Variants in EP300 observed in about 807,000 individuals in gnomAD.
EP300 encodes the protein histone acetyltransferase p300.
EP300 carries 31 observed loss-of-function variants against 264.0 expected under a neutral mutation model. That is an observed-to-expected ratio of 0.12 (90% CI 0.09 to 0.16). The LOEUF (loss-of-function observed/expected upper bound fraction) is 0.16, where lower values mean the gene tolerates loss of function less well. Among genes scored for constraint, EP300 ranks in the 10% least tolerant of loss-of-function variants. The pLI is 1.00. For synonymous variants in EP300, 1,340 were observed against 1,045.4 expected (o/e 1.28, Z -5.44); for missense variants, 2,766 against 3,052.9 (o/e 0.91, Z 2.21).
intron 1 of EP300, among the ~76,000 whole-genome samples, chr22:41,112,538 G>T (rs1276405387): frequency 6.6e-6 from 1 of 152,018 alleles, no homozygotes; most frequent in Non-Finnish European, 1.5e-5. Flanking sequence ...TGTTACTATG[G>T]CGAATGACAG....
At chr22:41,137,598 T>C in intron 7 of EP300, 55 bp from the exon 8 acceptor site, 2 of 1,609,960 alleles carry the variant, frequency 1.2e-6, no homozygotes, top group Non-Finnish European at 1.7e-6. Flanking sequence ...TTGAATTAAA[T>C]GAGGTCTTCT....
chr22:41,146,930 C>A, intron 11 of EP300, 114 bp downstream of exon 11: 1 of 912,554 alleles, frequency 1.1e-6, no homozygotes, highest in Non-Finnish European at 1.7e-6. Flanking sequence ...GATTACCTGC[C>A]CATAGAGGAA....
At position 41,162,752 on chromosome 22, in the gene EP300, G is replaced by A; in HGVS notation, c.3701G>A (p.Arg1234Lys). 1 of 1,612,788 alleles carries A rather than the reference G, an allele frequency of 6.2e-7. No individual in the cohort carries two copies. Among genetic ancestry groups the A allele is most frequent in the Non-Finnish European group, 8.5e-7 (1 of 1,178,998 alleles). The change falls in exon 21 of 31, where the codon AGA becomes AAA. Residue 1234 changes from arginine (R) to lysine (K), a missense_variant. Physicochemically the swap from Arg to Lys is conservative, Grantham distance 26. Transcript: ENST00000263253. ...ATAAATAAAGAACAATTTTCCAAGAGAAAAAATGACACACTGGATCCTGAA... is the reference window on the plus strand; with the variant it reads ...ATAAATAAAGAACAATTTTCCAAGAAAAAAAATGACACACTGGATCCTGAA... ...TTINKEQFSK[R>K]KNDTLDPELF...
intron 6 of EP300, among the ~76,000 whole-genome samples, chr22:41,131,969 G>A (rs2058922303): frequency 6.6e-6 from 1 of 152,054 alleles, no homozygotes; most frequent in African/African-American, 2.4e-5. Flanking sequence ...AGGCCAAGGT[G>A]GGTGGATCAC....
chr22:41,127,006 C>T (rs1274235959), intron 3 of EP300, among the ~76,000 whole-genome samples: 5 of 151,988 alleles, frequency 3.3e-5, no homozygotes, highest in Admixed American at 6.6e-5. Flanking sequence ...GGCCTCCCAA[C>T]GTGCTAGGGT....
intron 2 of EP300, among the ~76,000 whole-genome samples, chr22:41,121,997 G>GT (rs1329963061): frequency 3.3e-5 from 5 of 151,878 alleles, no homozygotes; most frequent in Non-Finnish European, 5.9e-5. Flanking sequence ...AATACTAGTA[G>GT]TTTAAAAAAA....
chr22:41,127,638 G>A lies in EP300; in HGVS notation c.1058G>A (p.Arg353His), dbSNP rs1386169409. Residue 353 changes from arginine (R) to histidine (H), a missense_variant, in exon 4 of 31, where the codon CGC (arginine) becomes CAC (histidine). Physicochemically the swap from Arg to His is conservative, Grantham distance 29 (BLOSUM62 0). Coordinates refer to ENST00000263253, the MANE Select transcript of EP300 (RefSeq NM_001429.4). ...CTTTTGCATGCTCACAAGTGCCAGC[G>A]CCGGGAACAGGCCAATGGGGAAGTG... is the stretch of plus-strand genomic sequence containing the variant. ...VLLLHAHKCQ[R>H]REQANGEVRQ... is the part of the protein sequence containing the mutation. 2 of 1,614,150 alleles carry A rather than the reference G, an allele frequency of 1.2e-6. No homozygotes were observed. Among genetic ancestry groups the A allele is most frequent in the Non-Finnish European group, 1.7e-6 (2 of 1,180,038 alleles).
At chr22:41,114,695 G>A (rs534189576) in intron 1 of EP300, among the ~76,000 whole-genome samples, 4 of 152,150 alleles carry the variant, frequency 2.6e-5, no homozygotes, top group South Asian at 2.1e-4. Context: ...CATGTCCTTC[G>A]CGAAGAATGC....
chr22:41,095,338 A>G (rs1022578313), intron 1 of EP300, among the ~76,000 whole-genome samples: 2 of 146,960 alleles, frequency 1.4e-5, no homozygotes, highest in African/African-American at 5.1e-5. Context: ...GGGTTAAAGC[A>G]GTTCTGTCTC....
In EP300 at chr22:41,154,376, C is replaced by CTTTTTTTTTTTTTTTTTT. The variant is rs869304891; in HGVS notation, c.3143-613_3143-596dup. 6.2e-3 allele frequency among the ~76,000 whole-genome samples: 386 copies of CTTTTTTTTTTTTTTTTTT among 61,786 alleles called. 75 individuals carry two copies. The highest frequency in any genetic ancestry group is 0.014 in the South Asian group (17 of 1,194). 40.5% of individuals were successfully genotyped at this position (61,786 alleles called of 152,430 possible). On this transcript the variant is annotated intron_variant, in intron 16 of 30. Coordinates refer to ENST00000263253, the MANE Select transcript of EP300 (RefSeq NM_001429.4). ...TCTTAACACGAGTATCTTGTGCACT[C>CTTTTTTTTTTTTTTTTTT]TTTTTTTTTTTTTTTTTTTTTTTGA...
chr22:41,165,251 A>C (rs1048312269), intron 22 of EP300, among the ~76,000 whole-genome samples: 1 of 152,270 alleles, frequency 6.6e-6, no homozygotes, highest in East Asian at 1.9e-4. Flanking sequence ...AATGAAAATA[A>C]TCTGTTATTA....
chr22:41,103,659 C>T (rs79279082), intron 1 of EP300, among the ~76,000 whole-genome samples: 20 of 152,164 alleles, frequency 1.3e-4, no homozygotes, highest in Non-Finnish European at 7.4e-5. Context: ...CTAGAATATA[C>T]GCTGTGTGAT....
Position 41,178,683 on chromosome 22 carries a change from C to A in EP300, c.6972C>A (p.His2324Gln). The change falls in exon 31 of 31, where the codon CAC becomes CAA. Residue 2324 changes from histidine to glutamine, a missense_variant. His to Gln is a conservative substitution (Grantham distance 24). Transcript: ENST00000263253. Reference protein sequence around the residue: ...PSPRPQSQPPHSSPSPRMQPQ... With the variant: ...PSPRPQSQPPQSSPSPRMQPQ... ...CACGGCCACAGTCCCAGCCCCCCCA[C>A]TCCAGTCCTTCCCCAAGGATGCAGC... is the stretch of plus-strand genomic sequence containing the variant. 3 of 1,614,206 alleles carry A rather than the reference C, an allele frequency of 1.9e-6. No individual in the cohort carries two copies. The highest frequency in any genetic ancestry group is 2.5e-6 in the Non-Finnish European group (3 of 1,180,044).
intron 29 of EP300, among the ~76,000 whole-genome samples, chr22:41,175,294 G>A (rs1418952009): frequency 6.6e-6 from 1 of 152,216 alleles, no homozygotes. Context: ...GGCTGCCAGT[G>A]TGCACAGATG....
At position 41,096,165 on chromosome 22, in the gene EP300, A is replaced by C. The variant is rs115632147; in HGVS notation, c.94+3067A>C. Among the ~76,000 whole-genome samples, 1,498 of 152,272 alleles carry C rather than the reference A, an allele frequency of 9.8e-3. 28 individuals are homozygous for C. Among genetic ancestry groups the C allele is most frequent in the African/African-American group, 0.034 (1,418 of 41,536 alleles). ...CATTTTGTTCTCCCTCTCCCTCCAAAAAAAAAAGATTATGAAAGCCACTTG... is the reference window on the plus strand; with the variant it reads ...CATTTTGTTCTCCCTCTCCCTCCAACAAAAAAAGATTATGAAAGCCACTTG... On this transcript the variant is annotated intron_variant, in intron 1 of 30. Transcript: ENST00000263253.
At chr22:41,170,795 G>A (rs1045526077) in intron 27 of EP300, among the ~76,000 whole-genome samples, 1 of 151,422 alleles carries the variant, frequency 6.6e-6, no homozygotes, top group Non-Finnish European at 1.5e-5. Flanking sequence ...CTGAGTAGCT[G>A]GGACTACAGG....
chr22:41,177,965 T>C lies in EP300; in HGVS notation c.6254T>C (p.Ile2085Thr). 6.2e-7 allele frequency: 1 copy of C among 1,614,144 alleles called. No individual in the cohort carries two copies. Among genetic ancestry groups the C allele is most frequent in the Non-Finnish European group, 8.5e-7 (1 of 1,180,008 alleles). The change falls in exon 31 of 31, where the codon ATC (isoleucine) becomes ACC (threonine). Residue 2085 changes from isoleucine to threonine, a missense_variant. Transcript: ENST00000263253. ...AACCCCCAGCTGTTGGCTGCATTCA[T>C]CAAGCAGCGGGCTGCCAAGTATGCC... is the stretch of plus-strand genomic sequence containing the variant. ...HANPQLLAAF[I>T]KQRAAKYANS...
At chr22:41,115,482 G>C (rs894157561) in intron 1 of EP300, among the ~76,000 whole-genome samples, 1 of 152,134 alleles carries the variant, frequency 6.6e-6, no homozygotes, top group East Asian at 1.9e-4. Context: ...ACCCAGGCTG[G>C]AGTGCAGTTG....
At chr22:41,164,997 T>A (rs2059126683) in intron 22 of EP300, among the ~76,000 whole-genome samples, 1 of 152,328 alleles carries the variant, frequency 6.6e-6, no homozygotes, top group African/African-American at 2.4e-5. Flanking sequence ...TTGGGCTGAT[T>A]GTTGTTCCTG....
Sources: gnomAD v4.1 joint callset for allele counts (sites outside exome capture counted in the v4.1 genomes callset) on GRCh38, gnomAD v4.1.1 for gene constraint, MANE v1.5 for transcripts, NCBI Gene and HGNC (gene_info 2026-07-23, HGNC 2026-07-21) for gene names.